Variants in MEGF6 observed in about 807,000 individuals in gnomAD.
MEGF6 encodes the protein multiple EGF like domains 6.
MEGF6 carries 184 observed loss-of-function variants against 207.1 expected under a neutral mutation model. The ratio of observed to expected loss-of-function variants is 0.89; its 90% CI spans 0.79 to 1.00. MEGF6 has a LOEUF of 1.00. MEGF6 is among the 50% of genes least tolerant of loss of function. The probability of loss-of-function intolerance (pLI) is 0.00; values close to 1 mark genes in which losing one functional copy is unlikely to be tolerated. For missense variants in MEGF6, 2,282 were observed against 2,202.9 expected, an observed-to-expected ratio of 1.04 and a Z score of -0.72; for synonymous variants, 1,038 against 910.0, an observed-to-expected ratio of 1.14 and a Z score of -2.53.
At chr1:3,528,079 G>T (rs1440805145) in intron 4 of MEGF6, among the ~76,000 whole-genome samples, 1 of 152,224 alleles carries the variant, frequency 6.6e-6, no homozygotes. Flanking sequence ...TTTGCTGTCA[G>T]CCAGGATCAG....
At chr1:3,519,100 C>T (rs1641646654) in intron 5 of MEGF6, among the ~76,000 whole-genome samples, 2 of 152,214 alleles carry the variant, frequency 1.3e-5, no homozygotes, top group Admixed American at 6.5e-5. Context: ...GGGAAACGCC[C>T]GCCACCCCCC....
chr1:3,512,079 G>A lies in MEGF6; in HGVS notation c.903C>T (p.Leu301=). ...CGCACTTGAAGGACCCCTGGGTGTT[G>A]AGGCAGCCATGGGCACACTGGGCCA... The part of the protein sequence containing the change: ...AGLAQCAHGC[L]NTQGSFKCVC... Residue 301 remains leucine, a synonymous_variant, in exon 8 of 37, where the codon CTC becomes CTT. Coordinates refer to ENST00000356575, the MANE Select transcript of MEGF6 (RefSeq NM_001409.4). 2 of 1,612,458 alleles carry A rather than the reference G, an allele frequency of 1.2e-6. No homozygotes were observed. The highest frequency in any genetic ancestry group is 1.7e-6 in the Non-Finnish European group (2 of 1,179,690).
intron 4 of MEGF6, among the ~76,000 whole-genome samples, chr1:3,547,304 G>C (rs1398804365): frequency 6.6e-6 from 1 of 152,196 alleles, no homozygotes; most frequent in Non-Finnish European, 1.5e-5. Flanking sequence ...CAGGGGAGCC[G>C]CACTGCAGAA....
chr1:3,506,925 G>C (rs1224820139), intron 14 of MEGF6, among the ~76,000 whole-genome samples: 1 of 152,260 alleles, frequency 6.6e-6, no homozygotes, highest in African/African-American at 2.4e-5. Flanking sequence ...AGGAGGCCTG[G>C]AGAAGGGGAG....
At position 3,538,150 on chromosome 1, in the gene MEGF6, G is replaced by A. The variant is rs528103994; in HGVS notation, c.482-13904C>T. 7.2e-5 allele frequency among the ~76,000 whole-genome samples: 11 copies of A among 152,208 alleles called. 1 individual carries two copies. Among genetic ancestry groups the A allele is most frequent in the Non-Finnish European group, 1.2e-4 (8 of 68,032 alleles). ...CAAGTGGCACGTGGATCTGCCTGGC[G>A]GTTTCCAACCGTTGACCTCCAGAGC... On this transcript the variant is annotated intron_variant, in intron 4 of 36. Transcript: ENST00000356575.
At chr1:3,578,308 C>A (rs772688341) in intron 4 of MEGF6, among the ~76,000 whole-genome samples, 4 of 152,238 alleles carry the variant, frequency 2.6e-5, no homozygotes, top group African/African-American at 7.2e-5. Context: ...AAAGATTAGA[C>A]AAATGAGACG....
chr1:3,492,624 G>C lies in MEGF6; in HGVS notation c.4516+15C>G, dbSNP rs747611742. ...GATGGTGCCTTCCCGCCCTTCCCCA[G>C]GAAGCCCAGCTCACCTTCCCGGCAC... On this transcript the variant is annotated intron_variant, in intron 35 of 36. Transcript: ENST00000356575. 27 of 1,601,812 alleles carry C rather than the reference G, an allele frequency of 1.7e-5. No homozygotes were observed. In the Admixed American group the frequency reaches 4.5e-4, roughly 27 times the overall value.
intron 4 of MEGF6, among the ~76,000 whole-genome samples, chr1:3,551,919 T>C (rs1642898614): frequency 2.6e-5 from 4 of 152,176 alleles, no homozygotes; most frequent in Admixed American, 2.6e-4. Flanking sequence ...CTGAGCTCCC[T>C]CTGGTGCCTC....
intron 2 of MEGF6, among the ~76,000 whole-genome samples, chr1:3,599,093 G>A (rs888751056): frequency 5.3e-5 from 8 of 152,208 alleles, no homozygotes; most frequent in African/African-American, 4.8e-5. Context: ...GAAGCCAGAC[G>A]AGGGGCTGAC....
intron 3 of MEGF6, among the ~76,000 whole-genome samples, chr1:3,591,332 C>T (rs547600456): frequency 4.0e-4 from 61 of 152,194 alleles, no homozygotes; most frequent in Non-Finnish European, 7.9e-4. Flanking sequence ...TCCCCAGAGA[C>T]CCCTGCTCAC....
upstream of MEGF6, among the ~76,000 whole-genome samples, chr1:3,613,350 G>C (rs548815126): frequency 6.6e-6 from 1 of 152,200 alleles, no homozygotes; most frequent in Non-Finnish European, 1.5e-5. Context: ...CCCTGTCCTC[G>C]GGTGGAGGTG....
chr1:3,501,693 G>C (rs959702237), intron 18 of MEGF6, 103 bp downstream of exon 18: 5 of 1,439,380 alleles, frequency 3.5e-6, no homozygotes, highest in Admixed American at 2.7e-5. Context: ...TGCTATAGAC[G>C]GGCCTGGGAT....
At chr1:3,602,401 C>T (rs1388434853) in intron 2 of MEGF6, 65 bp downstream of exon 2, 220 of 1,606,802 alleles carry the variant, frequency 1.4e-4, no homozygotes, top group Non-Finnish European at 1.8e-4. Context: ...GCCCAGCTCC[C>T]GGGTGGTCAG....
intron 4 of MEGF6, among the ~76,000 whole-genome samples, chr1:3,578,108 C>T (rs1643692429): frequency 6.6e-6 from 1 of 152,138 alleles, no homozygotes; most frequent in Admixed American, 6.5e-5. Context: ...CCTCCCCTCC[C>T]AGAGGACACG....
intron 4 of MEGF6, among the ~76,000 whole-genome samples, chr1:3,529,153 T>A (rs1456355734): frequency 1.3e-5 from 2 of 152,088 alleles, no homozygotes. Flanking sequence ...TCCAGGACCA[T>A]CCCGTGCTGC....
intron 16 of MEGF6, 23 bp downstream of exon 16, chr1:3,505,399 C>G (rs1641073723): frequency 1.9e-6 from 3 of 1,585,808 alleles, no homozygotes; most frequent in Non-Finnish European, 2.6e-6. Context: ...CCCCCCGCCC[C>G]CAGACCCCAT....
rs144151026 is a variant in MEGF6, at chr1:3,561,471, AG to A, written c.481+18353del. On this transcript the variant is annotated intron_variant, in intron 4 of 36. Transcript: ENST00000356575. ...CCCCATCACCTTCTGCCATCAGCCC[AG>A]GACGCAACGCCCTCACCATCACTGC... 1.0e-2 allele frequency among the ~76,000 whole-genome samples: 1,516 copies of A among 152,300 alleles called. 20 individuals are homozygous for A. The highest frequency in any genetic ancestry group is 0.035 in the African/African-American group (1,435 of 41,564).
chr1:3,542,459 G>A (rs1364220775), intron 4 of MEGF6, among the ~76,000 whole-genome samples: 1 of 152,208 alleles, frequency 6.6e-6, no homozygotes, highest in African/African-American at 2.4e-5. Flanking sequence ...AGGCCTGGAT[G>A]TAGGGTCCTG....
chr1:3,502,395 C>A (rs1261167760), intron 17 of MEGF6, among the ~76,000 whole-genome samples: 1 of 152,076 alleles, frequency 6.6e-6, no homozygotes, highest in Non-Finnish European at 1.5e-5. Context: ...CCCAGTCCAA[C>A]CTGGCGATGC....
Sources: gnomAD v4.1 joint callset for allele counts (sites outside exome capture counted in the v4.1 genomes callset) on GRCh38, gnomAD v4.1.1 for gene constraint, MANE v1.5 for transcripts, NCBI Gene and HGNC (gene_info 2026-07-23, HGNC 2026-07-21) for gene names.